SNRPN: variants seen among roughly 807,000 people sequenced by gnomAD.
The protein encoded by SNRPN is small nuclear ribonucleoprotein-associated protein N.
In SNRPN, 7 loss-of-function variants were observed where a neutral mutation model predicts 25.2. The observed-to-expected ratio is 0.28, with a 90% CI of 0.16 to 0.52. The LOEUF is 0.52. Ranked by LOEUF, SNRPN falls within the 20% of genes least tolerant of loss-of-function variation. The pLI, the probability that SNRPN is intolerant of heterozygous loss-of-function variation, is 0.96. For synonymous variants in SNRPN, 124 were observed against 110.6 expected, an observed-to-expected ratio of 1.12 and a Z score of -0.76; for missense variants, 196 against 322.5, an observed-to-expected ratio of 0.61 and a Z score of 3.00.
At chr15:24,884,902 AAG>A (rs935834788) in intron 1 of SNRPN, among the ~76,000 whole-genome samples, 11 of 152,138 alleles carry the variant, frequency 7.2e-5, no homozygotes, top group Admixed American at 3.9e-4. Flanking sequence ...GTGCACTGAA[AAG>A]AGAGAGTTTA....
intron 2 of SNRPN, among the ~76,000 whole-genome samples, chr15:24,913,935 TAGGG>T (rs1437420066): frequency 1.3e-5 from 2 of 152,176 alleles, no homozygotes; most frequent in African/African-American, 4.8e-5. Context: ...ATTGTGTCCG[TAGGG>T]GTGACAACTT....
At chr15:24,825,020 G>C (rs2049976700) in intron 1 of SNRPN, among the ~76,000 whole-genome samples, 1 of 152,008 alleles carries the variant, frequency 6.6e-6, no homozygotes, top group African/African-American at 2.4e-5. Flanking sequence ...TCAATCTTAT[G>C]GTCTAAAAGC....
At position 24,929,165 on chromosome 15, in the gene SNRPN, G is replaced by A. The variant is rs1481284738; in HGVS notation, c.-391+9041G>A. 6.6e-6 allele frequency among the ~76,000 whole-genome samples: 1 copy of A among 151,828 alleles called. No homozygotes were observed. The highest frequency in any genetic ancestry group is 2.4e-5 in the African/African-American group (1 of 41,172). ...CTATATGTATTGTGTATATATGTAT[G>A]TAGCTATATGTGTGTATGTGTATAT... On this transcript the variant is annotated intron_variant, in intron 3 of 11. Coordinates refer to the SNRPN transcript ENST00000400097. The surrounding 1 kb of genome is among the most constrained non-coding windows in gnomAD (Gnocchi z 5.3).
chr15:24,974,215 T>G, intron 3 of SNRPN, 96 bp from the exon 4 acceptor site: 2 of 543,680 alleles, frequency 3.7e-6, no homozygotes, highest in South Asian at 2.3e-5. Flanking sequence ...AGGATGTTTT[T>G]GAACGTGTCT....
intron 1 of SNRPN, among the ~76,000 whole-genome samples, chr15:24,865,394 C>G (rs886417296): frequency 6.6e-6 from 1 of 152,150 alleles, no homozygotes; most frequent in Admixed American, 6.5e-5. Context: ...CACACAAAAG[C>G]CCCTTTCAGG....
intron 3 of SNRPN, among the ~76,000 whole-genome samples, chr15:24,945,684 G>A (rs1369636160): frequency 6.6e-6 from 1 of 152,174 alleles, no homozygotes; most frequent in African/African-American, 2.4e-5. Flanking sequence ...TTATTTTGTT[G>A]CTTGTGTTCC....
chr15:24,874,413 G>A (rs2055641102), intron 1 of SNRPN, among the ~76,000 whole-genome samples: 1 of 151,382 alleles, frequency 6.6e-6, no homozygotes, highest in Admixed American at 6.6e-5. Context: ...AATGAGGGCT[G>A]ATGAGCTTTG....
At chr15:24,881,701 A>T (rs755100271) in intron 1 of SNRPN, among the ~76,000 whole-genome samples, 1 of 152,172 alleles carries the variant, frequency 6.6e-6, no homozygotes, top group African/African-American at 2.4e-5. Context: ...AGCATTTAAA[A>T]ATCGAAGAAC....
chr15:24,977,523 C>A (rs114827683), intron 7 of SNRPN, among the ~76,000 whole-genome samples: 12 of 151,950 alleles, frequency 7.9e-5, no homozygotes, highest in African/African-American at 2.9e-4. Context: ...GCCTGTAATC[C>A]CAGCTACCAG....
chr15:24,903,189 G>C (rs1395894843), intron 2 of SNRPN, among the ~76,000 whole-genome samples: 1 of 152,148 alleles, frequency 6.6e-6, no homozygotes, highest in Non-Finnish European at 1.5e-5. Flanking sequence ...CAATCTGAAA[G>C]CATATGCTGG....
intron 2 of SNRPN, chr15:24,848,234 G>GGGCGGGGGCGGCGGCGGC: frequency 1.6e-5 from 2 of 125,518 alleles, no homozygotes; most frequent in Admixed American, 8.3e-5. Flanking sequence ...GCGGCGGTGG[G>GGGCGGGGGCGGCGGCGGC]GGCGGGGGCG....
chr15:24,913,340 C>T (rs2059328290), intron 2 of SNRPN, among the ~76,000 whole-genome samples: 1 of 152,048 alleles, frequency 6.6e-6, no homozygotes, highest in Non-Finnish European at 1.5e-5. Flanking sequence ...GGAATCATGC[C>T]CACTCAAGAA....
intron 3 of SNRPN, among the ~76,000 whole-genome samples, chr15:24,922,324 C>G (rs2060080964): frequency 6.6e-6 from 1 of 152,224 alleles, no homozygotes; most frequent in South Asian, 2.1e-4. Context: ...TCCAGATCCT[C>G]TACACATTTC....
At chr15:24,853,138 CTTA>C (rs1284437833), upstream of SNRPN, among the ~76,000 whole-genome samples, 2 of 152,074 alleles carry the variant, frequency 1.3e-5, no homozygotes, top group African/African-American at 4.8e-5. Context: ...CACAGTTTTC[CTTA>C]TTATAAATCT....
chr15:24,892,945 A>G (rs2057792818), intron 2 of SNRPN, among the ~76,000 whole-genome samples: 1 of 151,926 alleles, frequency 6.6e-6, no homozygotes, highest in Non-Finnish European at 1.5e-5. Flanking sequence ...GTGGTGGCTT[A>G]TGCCTGTAAT....
In SNRPN at chr15:24,877,695, CAA is replaced by C. The variant is rs775182616; in HGVS notation, c.-578-8819_-578-8818del. Among the ~76,000 whole-genome samples, 1,049 of 128,868 alleles carry C rather than the reference CAA, an allele frequency of 8.1e-3. 8 individuals carry two copies. The highest frequency in any genetic ancestry group is 0.052 in the East Asian group (227 of 4,340). 84.5% of individuals were successfully genotyped at this position (128,868 alleles called of 152,430 possible). A position where few individuals can be genotyped will look rare whatever the true frequency, so the allele number is the denominator to read the frequency against. ...ACACACACACACACACACACACACA[CAA>C]ACACACTAGCCGGGCGCAGTGGCGC... On this transcript the variant is annotated intron_variant, in intron 1 of 11. Coordinates refer to the SNRPN transcript ENST00000400097.
At chr15:24,835,097 GA>G (rs2051009600) in intron 2 of SNRPN, among the ~76,000 whole-genome samples, 6 of 21,920 alleles carry the variant, frequency 2.7e-4, no homozygotes, top group East Asian at 3.0e-3. Flanking sequence ...AAAATATATA[GA>G]TATATATACT....
At chr15:24,924,465 TTTTAGATAATCTGTC>T (rs1309416320) in intron 3 of SNRPN, among the ~76,000 whole-genome samples, 1 of 152,026 alleles carries the variant, frequency 6.6e-6, no homozygotes, top group African/African-American at 2.4e-5. Flanking sequence ...ATTAAGTTCC[TTTTAGATAATCTGTC>T]TTTAGATAAG....
intron 1 of SNRPN, among the ~76,000 whole-genome samples, chr15:24,956,725 C>T (rs2062982115): frequency 6.6e-6 from 1 of 152,250 alleles, no homozygotes; most frequent in South Asian, 2.1e-4. Context: ...GATGGGTTGG[C>T]GCAGGCTCCG....
Sources: gnomAD v4.1 joint callset for allele counts (sites outside exome capture counted in the v4.1 genomes callset) on GRCh38, gnomAD v4.1.1 for gene constraint, Gnocchi (gnomAD v3.1) non-coding constraint, MANE v1.5 for transcripts, NCBI Gene and HGNC (gene_info 2026-07-23, HGNC 2026-07-21) for gene names.